Variants in SCHIP1 observed in about 807,000 individuals in gnomAD.
SCHIP1 encodes the protein schwannomin interacting protein 1.
Under a neutral mutation model 29.7 loss-of-function variants are expected in SCHIP1, and 8 were observed. The ratio of observed to expected loss-of-function variants is 0.27; its 90% CI spans 0.16 to 0.49. The LOEUF (loss-of-function observed/expected upper bound fraction) is 0.49, where lower values mean the gene tolerates loss of function less well. SCHIP1 is among the 20% of genes least tolerant of loss of function. The probability of loss-of-function intolerance (pLI) is 0.99; values close to 1 mark genes in which losing one functional copy is unlikely to be tolerated. For synonymous variants in SCHIP1, 76 were observed against 94.9 expected, an observed-to-expected ratio of 0.80 and a Z score of 1.16; for missense variants, 193 against 294.6, an observed-to-expected ratio of 0.66 and a Z score of 2.52.
chr3:159,693,043 A>G, the SCHIP1 span, among the ~76,000 whole-genome samples: 16 of 152,264 alleles, frequency 1.1e-4, no homozygotes, highest in Admixed American at 2.0e-4. Flanking sequence ...ATAAAGACAT[A>G]TTTACCTTGA....
At chr3:159,558,285 T>A in the SCHIP1 span, among the ~76,000 whole-genome samples, 1 of 152,242 alleles carries the variant, frequency 6.6e-6, no homozygotes, top group South Asian at 2.1e-4. Flanking sequence ...TGTGACTTCT[T>A]AAACTTTTGT....
chr3:159,672,952 C>T, the SCHIP1 span, among the ~76,000 whole-genome samples: 2 of 152,064 alleles, frequency 1.3e-5, no homozygotes, highest in Admixed American at 6.6e-5. Flanking sequence ...TACAACATGC[C>T]CCTCCCTATT....
the SCHIP1 span, among the ~76,000 whole-genome samples, chr3:159,814,648 G>GC: frequency 1.3e-5 from 2 of 152,198 alleles, no homozygotes. Context: ...ATACTGCCGA[G>GC]CCCCCGATGT....
the SCHIP1 span, among the ~76,000 whole-genome samples, chr3:159,593,094 A>G: frequency 3.2e-4 from 48 of 152,046 alleles, no homozygotes; most frequent in African/African-American, 9.2e-4. Context: ...GAGAGTAGAA[A>G]TCTCCTTACA....
At chr3:159,590,374 G>A in the SCHIP1 span, among the ~76,000 whole-genome samples, 2 of 152,068 alleles carry the variant, frequency 1.3e-5, no homozygotes, top group South Asian at 2.1e-4. Context: ...TCAGGAGTTC[G>A]AGACCAGCCT....
the SCHIP1 span, among the ~76,000 whole-genome samples, chr3:159,586,954 C>A: frequency 6.6e-6 from 1 of 152,182 alleles, no homozygotes; most frequent in South Asian, 2.1e-4. Flanking sequence ...TTAGGGCTAT[C>A]ATATACGTGT....
the SCHIP1 span, chr3:159,722,339 T>A: frequency 6.4e-6 from 1 of 156,448 alleles, no homozygotes; most frequent in African/African-American, 2.4e-5. Context: ...TGAGTTCTGC[T>A]CATCCTCTTC....
chr3:159,565,947 T>G, the SCHIP1 span, among the ~76,000 whole-genome samples: 1 of 152,354 alleles, frequency 6.6e-6, no homozygotes, highest in East Asian at 1.9e-4. Flanking sequence ...ACTCTATATA[T>G]GTCAGGGCAA....
chr3:159,565,067 A>T, the SCHIP1 span, among the ~76,000 whole-genome samples: 398 of 147,522 alleles, frequency 2.7e-3, 1 homozygote, highest in Non-Finnish European at 4.1e-3. Context: ...TTGTTTTTTT[A>T]AAATTATCTC....
chr3:159,273,992 C>T, the SCHIP1 span: 1 of 1,508,966 alleles, frequency 6.6e-7, no homozygotes, highest in Non-Finnish European at 8.9e-7. Flanking sequence ...AGCTGATGGC[C>T]TTCATTACAT....
intron 1 of SCHIP1, among the ~76,000 whole-genome samples, chr3:159,851,785 T>C (rs2109106945): frequency 6.6e-6 from 1 of 152,324 alleles, no homozygotes; most frequent in Admixed American, 6.5e-5. Flanking sequence ...GCTGCCTGCA[T>C]GCAGACAGTG....
At chr3:159,565,797 A>C in the SCHIP1 span, among the ~76,000 whole-genome samples, 1 of 152,168 alleles carries the variant, frequency 6.6e-6, no homozygotes, top group Admixed American at 6.6e-5. Flanking sequence ...TTTTAGATAA[A>C]ATGATATTAT....
At chr3:159,844,369 G>A (rs1711528367) in intron 1 of SCHIP1, among the ~76,000 whole-genome samples, 1 of 152,178 alleles carries the variant, frequency 6.6e-6, no homozygotes, top group Non-Finnish European at 1.5e-5. Flanking sequence ...GGAATAAACA[G>A]AAGGAATTCT....
chr3:159,845,174 G>A (rs761220522), intron 1 of SCHIP1, among the ~76,000 whole-genome samples: 4 of 152,186 alleles, frequency 2.6e-5, no homozygotes, highest in African/African-American at 4.8e-5. Flanking sequence ...AGGCTGAGAT[G>A]TCTCCTACCC....
chr3:159,815,937 C>CTATTTATTTATTTATTTATT, the SCHIP1 span, among the ~76,000 whole-genome samples: 850 of 147,550 alleles, frequency 5.8e-3, 5 homozygotes, highest in Middle Eastern at 0.021. Context: ...GCCTCTGGTC[C>CTATTTATTTATTTATTTATT]TATTTATTTA....
At chr3:159,456,490 G>A in the SCHIP1 span, among the ~76,000 whole-genome samples, 1 of 152,130 alleles carries the variant, frequency 6.6e-6, no homozygotes, top group African/African-American at 2.4e-5. Flanking sequence ...GATCTTACAA[G>A]AAATCTGTAC....
the SCHIP1 span, among the ~76,000 whole-genome samples, chr3:159,793,457 G>T: frequency 2.6e-4 from 39 of 152,170 alleles, 1 homozygote; most frequent in Middle Eastern, 0.01. Context: ...CAAACTTGGC[G>T]GGTTAAAACA....
the SCHIP1 span, among the ~76,000 whole-genome samples, chr3:159,717,521 G>C: frequency 6.6e-6 from 1 of 151,848 alleles, no homozygotes; most frequent in African/African-American, 2.4e-5. Flanking sequence ...GAATCAAATA[G>C]GCACAATAAA....
At chr3:159,568,675 C>T in the SCHIP1 span, among the ~76,000 whole-genome samples, 2 of 151,962 alleles carry the variant, frequency 1.3e-5, no homozygotes, top group Non-Finnish European at 2.9e-5. Flanking sequence ...TATGTATTTT[C>T]TAATTGGTGA....
Sources: allele counts gnomAD v4.1 joint callset (sites outside exome capture counted in the v4.1 genomes callset), GRCh38; gene constraint gnomAD v4.1.1; transcripts MANE v1.5; gene names NCBI Gene and HGNC (gene_info 2026-07-23, HGNC 2026-07-21).